EXT2: variants seen among roughly 807,000 people sequenced by gnomAD.
EXT2 encodes the protein exostosin glycosyltransferase 2, also known as exostosin-2.
A neutral mutation model predicts 81.6 loss-of-function variants in EXT2; 53 were observed. The observed-to-expected ratio is 0.65, with a 90% CI of 0.52 to 0.82. The LOEUF (loss-of-function observed/expected upper bound fraction) is 0.82, where lower values mean the gene tolerates loss of function less well. Among genes scored for constraint, EXT2 ranks in the 40% least tolerant of loss-of-function variants. The pLI, the probability that EXT2 is intolerant of heterozygous loss-of-function variation, is 0.00. For synonymous variants in EXT2, 320 were observed against 340.0 expected (o/e 0.94, Z 0.65); for missense variants, 774 against 910.2 (o/e 0.85, Z 1.93).
At chr11:44,208,732 A>G (rs1383174303) in intron 10 of EXT2, among the ~76,000 whole-genome samples, 1 of 152,222 alleles carries the variant, frequency 6.6e-6, no homozygotes, top group Non-Finnish European at 1.5e-5. Context: ...CAAAGCAGGT[A>G]TGTTTTTCTT....
intron 7 of EXT2, among the ~76,000 whole-genome samples, chr11:44,147,228 A>C (rs887432593): frequency 8.5e-5 from 13 of 152,140 alleles, no homozygotes; most frequent in African/African-American, 2.4e-4. Flanking sequence ...CTTTTCAGCA[A>C]TTTTTTAAAA....
At chr11:44,170,809 T>TTC (rs958227114) in intron 7 of EXT2, among the ~76,000 whole-genome samples, 2 of 92,356 alleles carry the variant, frequency 2.2e-5, no homozygotes, top group African/African-American at 8.3e-5. Context: ...AACGTTCACA[T>TTC]TCACACACAC....
intron 1 of EXT2, among the ~76,000 whole-genome samples, chr11:44,102,903 TG>T (rs1387941182): frequency 6.6e-6 from 1 of 152,210 alleles, no homozygotes; most frequent in Non-Finnish European, 1.5e-5. Flanking sequence ...TCTTTTTGTT[TG>T]TTTTTTTCTT....
At chr11:44,148,313 CT>C (rs1954748577) in intron 7 of EXT2, among the ~76,000 whole-genome samples, 1 of 152,152 alleles carries the variant, frequency 6.6e-6, no homozygotes, top group African/African-American at 2.4e-5. Context: ...CATAACAGTC[CT>C]TGCCACTGTG....
At chr11:44,177,376 T>A (rs549040220) in intron 8 of EXT2, among the ~76,000 whole-genome samples, 7 of 152,262 alleles carry the variant, frequency 4.6e-5, no homozygotes, top group African/African-American at 1.7e-4. Flanking sequence ...CTAACTTTTA[T>A]GTCATTTCTG....
intron 1 of EXT2, among the ~76,000 whole-genome samples, chr11:44,102,722 T>C (rs1954004013): frequency 6.6e-6 from 1 of 152,058 alleles, no homozygotes; most frequent in Non-Finnish European, 1.5e-5. Context: ...CAATACTTGG[T>C]GGTGTTTGAC....
Position 44,098,526 on chromosome 11 carries a change from C to G in EXT2, c.-31+2674C>G, listed in dbSNP as rs138146807. On this transcript the variant is annotated intron_variant, in intron 1 of 13. Transcript: ENST00000533608. ...TGGCCAACTTGGCAAAACTCCGTCT[C>G]TACTAAAAAATACAAAAAATTAGCC... is the stretch of plus-strand genomic sequence containing the variant. 2.5e-3 allele frequency among the ~76,000 whole-genome samples: 377 copies of G among 152,034 alleles called. 2 individuals carry two copies. Among genetic ancestry groups the G allele is most frequent in the African/African-American group, 8.7e-3 (361 of 41,450 alleles).
intron 7 of EXT2, among the ~76,000 whole-genome samples, chr11:44,132,246 G>A (rs768919452): frequency 6.6e-5 from 10 of 152,188 alleles, no homozygotes; most frequent in African/African-American, 1.7e-4. Flanking sequence ...TTGGAGTGGC[G>A]TCTACTGCCA....
chr11:44,165,985 G>T lies in EXT2; in HGVS notation c.1174-5626G>T, dbSNP rs189748738. Among the ~76,000 whole-genome samples, 490 of 152,278 alleles carry T rather than the reference G, an allele frequency of 3.2e-3. 3 individuals are homozygous for T. The highest frequency in any genetic ancestry group is 2.7e-3 in the Non-Finnish European group (187 of 68,022). On this transcript the variant is annotated intron_variant, in intron 7 of 13. Transcript: ENST00000533608. ...GTTTCCTCATTTATAAAATGAAACT[G>T]TCCCAAATAAGTGACAAGCTGGTTG...
intron 8 of EXT2, among the ~76,000 whole-genome samples, chr11:44,184,566 A>G (rs1955283578): frequency 6.6e-6 from 1 of 152,106 alleles, no homozygotes; most frequent in African/African-American, 2.4e-5. Context: ...CCTGGCTAAC[A>G]AGGTGAAACC....
chr11:44,141,978 A>G (rs983861094), intron 7 of EXT2, among the ~76,000 whole-genome samples: 1 of 152,228 alleles, frequency 6.6e-6, no homozygotes, highest in African/African-American at 2.4e-5. Context: ...TAACTTGTAA[A>G]GTATCAAGTG....
At chr11:44,230,248 A>G (rs755458129) in intron 10 of EXT2, among the ~76,000 whole-genome samples, 49 of 152,348 alleles carry the variant, frequency 3.2e-4, no homozygotes, top group Middle Eastern at 3.4e-3. Context: ...TGGTGGCTGA[A>G]GAACAGAAGG....
chr11:44,131,434 C>A lies in EXT2; in HGVS notation c.1173+1296C>A, dbSNP rs1442296362. Reference sequence around the variant, plus strand: ...AGCTCTGTGGGTTACAAACTCTGTACCCTTAGGTAAGGATCTGCCTTCTCT... The same window carrying A: ...AGCTCTGTGGGTTACAAACTCTGTAACCTTAGGTAAGGATCTGCCTTCTCT... On this transcript the variant is annotated intron_variant, in intron 7 of 13. Coordinates refer to ENST00000533608, the MANE Select transcript of EXT2 (RefSeq NM_207122.2). Among the ~76,000 whole-genome samples the A allele has an allele frequency of 2.6e-5, 4 of 152,274 alleles. No homozygotes were observed. The South Asian group carries it at 8.3e-4, about 32-fold the overall frequency.
At chr11:44,101,148 G>A (rs371429989) in intron 1 of EXT2, among the ~76,000 whole-genome samples, 19 of 152,306 alleles carry the variant, frequency 1.2e-4, no homozygotes, top group African/African-American at 4.3e-4. Context: ...TTGGACCAAA[G>A]GTGGGGGTAT....
intron 9 of EXT2, among the ~76,000 whole-genome samples, chr11:44,201,943 G>A (rs1391171262): frequency 6.6e-6 from 1 of 152,192 alleles, no homozygotes; most frequent in Non-Finnish European, 1.5e-5. Flanking sequence ...AGAAGCCTGA[G>A]AGAATGGTAC....
At chr11:44,116,547 C>T (rs757359749) in intron 4 of EXT2, 9 of 152,182 alleles carry the variant, frequency 5.9e-5, no homozygotes, top group East Asian at 1.9e-4. Flanking sequence ...CTGGGTCATA[C>T]GGTAGCTCTA....
At chr11:44,125,111 G>A (rs373316755) in intron 5 of EXT2, 127 bp downstream of exon 5, 12 of 879,412 alleles carry the variant, frequency 1.4e-5, no homozygotes, top group Middle Eastern at 3.2e-4. Context: ...AGAAAACATA[G>A]CATTGCTCTT....
chr11:44,192,183 T>A (rs1319269496), intron 8 of EXT2, among the ~76,000 whole-genome samples: 1 of 152,176 alleles, frequency 6.6e-6, no homozygotes, highest in East Asian at 1.9e-4. Flanking sequence ...TCTTTGCACA[T>A]GCCGCTCAGC....
intron 13 of EXT2, among the ~76,000 whole-genome samples, chr11:44,239,819 T>C (rs1318628732): frequency 6.7e-6 from 1 of 150,138 alleles, no homozygotes; most frequent in Non-Finnish European, 1.5e-5. Flanking sequence ...GAAAGAACTT[T>C]AAAAAAAAAT....
Sources: allele counts gnomAD v4.1 joint callset (sites outside exome capture counted in the v4.1 genomes callset), GRCh38; gene constraint gnomAD v4.1.1; transcripts MANE v1.5; gene names NCBI Gene and HGNC (gene_info 2026-07-23, HGNC 2026-07-21).